ARPC1A: variants seen among roughly 807,000 people sequenced by gnomAD.
ARPC1A encodes actin related protein 2/3 complex subunit 1A, also known as actin-related protein 2/3 complex subunit 1A.
Under a neutral mutation model 46.9 loss-of-function variants are expected in ARPC1A, and 8 were observed. The observed-to-expected ratio is 0.17, with a 90% CI of 0.10 to 0.31. The LOEUF is 0.31. ARPC1A is among the 10% of genes least tolerant of loss of function. ARPC1A has a pLI of 1.00. For missense variants in ARPC1A, 286 were observed against 483.6 expected, an observed-to-expected ratio of 0.59 and a Z score of 3.83; for synonymous variants, 152 against 169.0, an observed-to-expected ratio of 0.90 and a Z score of 0.78.
At chr7:99,363,433 A>G (rs1458894107) in intron 8 of ARPC1A, 110 bp from the exon 9 acceptor site, 1 of 808,262 alleles carries the variant, frequency 1.2e-6, no homozygotes, top group East Asian at 2.8e-5. Context: ...TTAAAAAATA[A>G]AGAAGAAGAT....
chr7:99,358,712 G>T, intron 7 of ARPC1A: 1 of 292,720 alleles, frequency 3.4e-6, no homozygotes, highest in Non-Finnish European at 6.5e-6. Flanking sequence ...GGCTAATTTT[G>T]TATTTTTAGA....
intron 1 of ARPC1A, among the ~76,000 whole-genome samples, chr7:99,326,252 C>T (rs1793046067): frequency 6.6e-6 from 1 of 152,194 alleles, no homozygotes; most frequent in Non-Finnish European, 1.5e-5. Flanking sequence ...ACGGCCCCTT[C>T]TGCGCCCCCA....
intron 6 of ARPC1A, among the ~76,000 whole-genome samples, chr7:99,356,671 G>A (rs186252835): frequency 0.11 from 16,498 of 151,730 alleles, 2,342 homozygotes; most frequent in African/African-American, 0.33. Flanking sequence ...GGAGGCCGAG[G>A]CGGGCGGATC....
chr7:99,343,423 G>C (rs1793388426), intron 3 of ARPC1A, among the ~76,000 whole-genome samples: 1 of 151,340 alleles, frequency 6.6e-6, no homozygotes, highest in Non-Finnish European at 1.5e-5. Flanking sequence ...CTGAGATCGT[G>C]CCATTGTACT....
chr7:99,359,848 C>G, intron 8 of ARPC1A, 110 bp downstream of exon 8: 1 of 1,241,738 alleles, frequency 8.1e-7, no homozygotes. Context: ...CCCAGACATT[C>G]TTTCAGGGAC....
chr7:99,353,922 T>C lies in ARPC1A; in HGVS notation c.514T>C (p.Tyr172His). The C allele has an allele frequency of 1.2e-6, 2 of 1,613,928 alleles. No homozygotes were observed. The highest frequency in any genetic ancestry group is 1.7e-6 in the Non-Finnish European group (2 of 1,179,820). ...CCCTTTAAACAGAGTGTTTTCTGCCTACATTAAAGAAGTGGATGAAAAGCC... is the reference window on the plus strand; with the variant it reads ...CCCTTTAAACAGAGTGTTTTCTGCCCACATTAAAGAAGTGGATGAAAAGCC... ...CDFKCRVFSA[Y>H]IKEVDEKPAS... is the part of the protein sequence containing the mutation. The change falls in exon 6 of 10, where the codon TAC becomes CAC. Residue 172 changes from tyrosine (Y) to histidine (H), a missense_variant. Transcript: ENST00000262942.
intron 6 of ARPC1A, among the ~76,000 whole-genome samples, chr7:99,354,823 A>C (rs1366229630): frequency 6.6e-6 from 1 of 152,078 alleles, no homozygotes; most frequent in Non-Finnish European, 1.5e-5. Flanking sequence ...CTCTAATAAA[A>C]ATACAAAAAT....
At chr7:99,335,624 A>G (rs1793234700) in intron 2 of ARPC1A, 1 of 301,338 alleles carries the variant, frequency 3.3e-6, no homozygotes. Context: ...AGATTTTGAC[A>G]GAGATTACTT....
chr7:99,365,535 G>A (rs751263291), intron 9 of ARPC1A, among the ~76,000 whole-genome samples: 1 of 151,854 alleles, frequency 6.6e-6, no homozygotes, highest in African/African-American at 2.4e-5. Context: ...GATCACTTGA[G>A]CCCAGGAGTT....
intron 8 of ARPC1A, among the ~76,000 whole-genome samples, chr7:99,362,019 G>T (rs765375296): frequency 5.5e-4 from 84 of 152,210 alleles, no homozygotes; most frequent in Non-Finnish European, 1.1e-3. Flanking sequence ...GCCGGGTCAG[G>T]TGCAGAGGCT....
At chr7:99,330,301 C>A (rs947610303) in intron 1 of ARPC1A, among the ~76,000 whole-genome samples, 6 of 151,796 alleles carry the variant, frequency 4.0e-5, no homozygotes, top group Non-Finnish European at 8.8e-5. Flanking sequence ...TGGGTTCCCC[C>A]CCCCTTTTTG....
At chr7:99,353,846 G>A in intron 5 of ARPC1A, 63 bp from the exon 6 acceptor site, 1 of 1,496,948 alleles carries the variant, frequency 6.7e-7, no homozygotes, top group Non-Finnish European at 9.2e-7. Context: ...AGCTGCCTAT[G>A]GCCTGTTTCT....
At chr7:99,341,223 C>T (rs573668406) in intron 3 of ARPC1A, among the ~76,000 whole-genome samples, 2 of 151,632 alleles carry the variant, frequency 1.3e-5, no homozygotes, top group East Asian at 3.9e-4. Flanking sequence ...ACATGAGAAT[C>T]GCTTGAACCC....
chr7:99,354,597 T>C (rs1793601331), intron 6 of ARPC1A, among the ~76,000 whole-genome samples: 1 of 146,552 alleles, frequency 6.8e-6, no homozygotes, highest in African/African-American at 2.5e-5. Context: ...CCTATAATCC[T>C]AGCACTTTGA....
chr7:99,359,852 C>A, intron 8 of ARPC1A, 114 bp downstream of exon 8: 1 of 1,225,166 alleles, frequency 8.2e-7, no homozygotes, highest in Non-Finnish European at 1.2e-6. Flanking sequence ...GACATTCTTT[C>A]AGGGACAAGT....
intron 4 of ARPC1A, among the ~76,000 whole-genome samples, chr7:99,346,750 C>G (rs1793458518): frequency 6.6e-6 from 1 of 152,200 alleles, no homozygotes; most frequent in Non-Finnish European, 1.5e-5. Flanking sequence ...GAGGCCAAGG[C>G]AGGCGGATCA....
rs757908410 is a variant in ARPC1A at position 99,336,481 on chromosome 7, ATTTTTTTTTTTT to A, written c.65-1683_65-1672del. ...CCTAAAGTTTGGATCATAGGTCTTA[ATTTTTTTTTTTT>A]TTTTTTTTTTTTTTTTGAGACAGGG... On this transcript the variant is annotated intron_variant, in intron 2 of 9. Coordinates refer to ENST00000262942, the MANE Select transcript of ARPC1A (RefSeq NM_006409.4). Among the ~76,000 whole-genome samples, 128 of 103,192 alleles carry A rather than the reference ATTTTTTTTTTTT, an allele frequency of 1.2e-3. 1 individual carries two copies. Among genetic ancestry groups the A allele is most frequent in the Admixed American group, 0.011 (103 of 9,082 alleles). 67.7% of individuals were successfully genotyped at this position (103,192 alleles called of 152,430 possible).
At chr7:99,333,477 G>A in intron 2 of ARPC1A, 60 bp downstream of exon 2, 1 of 1,450,838 alleles carries the variant, frequency 6.9e-7, no homozygotes, top group Non-Finnish European at 9.6e-7. Context: ...TTCATCTTTA[G>A]ACACATTTAG....
intron 8 of ARPC1A, among the ~76,000 whole-genome samples, chr7:99,362,861 T>C (rs968676331): frequency 5.9e-5 from 9 of 151,988 alleles, no homozygotes; most frequent in Non-Finnish European, 1.2e-4. Context: ...TTCCCCTGCT[T>C]AGCTTGGTCG....
Sources: gnomAD v4.1 joint callset for allele counts (sites outside exome capture counted in the v4.1 genomes callset) on GRCh38, gnomAD v4.1.1 for gene constraint, MANE v1.5 for transcripts, NCBI Gene and HGNC (gene_info 2026-07-23, HGNC 2026-07-21) for gene names.